Variants in FAM153A observed in about 807,000 individuals in gnomAD.
FAM153A encodes the protein family with sequence similarity 153 member A.
FAM153A carries 12 observed loss-of-function variants against 48.1 expected under a neutral mutation model. That is an observed-to-expected ratio of 0.25 (90% CI 0.16 to 0.40). The LOEUF (loss-of-function observed/expected upper bound fraction) is 0.40, where lower values mean the gene tolerates loss of function less well. Among genes scored for constraint, FAM153A ranks in the 10% least tolerant of loss-of-function variants. FAM153A has a pLI of 1.00. For missense variants in FAM153A, 111 were observed against 345.8 expected, an observed-to-expected ratio of 0.32 and a Z score of 5.38; for synonymous variants, 36 against 118.2, an observed-to-expected ratio of 0.30 and a Z score of 4.51.
chr5:177,738,124 A>C (rs1054913144), intron 10 of FAM153A, among the ~76,000 whole-genome samples: 1 of 151,252 alleles, frequency 6.6e-6, no homozygotes, highest in African/African-American at 2.5e-5. Context: ...TCTCCAACCC[A>C]GCTGTATAGA....
At chr5:177,710,819 C>A (rs1297506408), downstream of FAM153A, among the ~76,000 whole-genome samples, 1 of 146,004 alleles carries the variant, frequency 6.8e-6, no homozygotes, top group Admixed American at 6.9e-5. Context: ...CCACACCTGG[C>A]TAACTTTTTG....
In FAM153A at chr5:177,730,240, G is replaced by A. The variant is rs1174003873; in HGVS notation, c.863-685C>T. On this transcript the variant is annotated intron_variant, in intron 16 of 20. Coordinates refer to ENST00000614127, the Ensembl canonical transcript of FAM153A. Reference sequence around the variant, plus strand: ...GTCATGGGGAGCAGCGAGGGGGTGCGGGGGGCGGGCACTGACCCTCTCCAA... The same window carrying A: ...GTCATGGGGAGCAGCGAGGGGGTGCAGGGGGCGGGCACTGACCCTCTCCAA... Among the ~76,000 whole-genome samples the A allele has an allele frequency of 6.8e-5, 8 of 117,350 alleles. 2 individuals carry two copies. The highest frequency in any genetic ancestry group is 2.2e-4 in the African/African-American group (8 of 36,136). 77.0% of individuals were successfully genotyped at this position (117,350 alleles called of 152,430 possible).
chr5:177,758,698 C>T (rs13163172), intron 1 of FAM153A, among the ~76,000 whole-genome samples: 45 of 149,132 alleles, frequency 3.0e-4, no homozygotes, highest in African/African-American at 1.0e-3. Flanking sequence ...TGATCTTTGA[C>T]AAACCTGACA....
downstream of FAM153A, among the ~76,000 whole-genome samples, chr5:177,703,628 A>C (rs3104689): frequency 2.6e-4 from 34 of 131,848 alleles, no homozygotes; most frequent in African/African-American, 3.9e-4. Context: ...TGATTGGACC[A>C]TGGAGGCGGT....
At chr5:177,728,491 A>G (rs1763054574) in intron 18 of FAM153A, among the ~76,000 whole-genome samples, 1 of 146,150 alleles carries the variant, frequency 6.8e-6, no homozygotes, top group South Asian at 2.1e-4. Context: ...CTTACATGAC[A>G]CTGCTGCTTC....
chr5:177,768,333 A>G (rs1254464678), intron 1 of FAM153A, among the ~76,000 whole-genome samples: 4 of 152,078 alleles, frequency 2.6e-5, no homozygotes, highest in Admixed American at 6.5e-5. Context: ...TGAAAGCTTC[A>G]TTATATTGGC....
intron 1 of FAM153A, among the ~76,000 whole-genome samples, chr5:177,768,193 G>C (rs1158244063): frequency 7.4e-6 from 1 of 135,880 alleles, no homozygotes; most frequent in Non-Finnish European, 1.5e-5. Context: ...CAGATGAAGA[G>C]ATGCATAGTG....
chr5:177,729,285 C>T (rs1169237257), intron 17 of FAM153A, among the ~76,000 whole-genome samples, 200 bp downstream of exon 19: 5 of 120,438 alleles, frequency 4.2e-5, no homozygotes, highest in African/African-American at 1.4e-4. Flanking sequence ...AAGGAAAATG[C>T]CTGTTGACAC....
At chr5:177,716,997 G>GTGTGTA (rs1208702665) in intron 24 of FAM153A, among the ~76,000 whole-genome samples, 2 of 150,658 alleles carry the variant, frequency 1.3e-5, no homozygotes, top group East Asian at 3.9e-4. Context: ...GTGTGTGTGT[G>GTGTGTA]TGTAGAGTCT....
At chr5:177,699,337 G>A in the FAM153A span, among the ~76,000 whole-genome samples, 1 of 151,278 alleles carries the variant, frequency 6.6e-6, no homozygotes, top group East Asian at 1.9e-4. Context: ...AAATATTAAT[G>A]TGCAAAGTGG....
intron 26 of FAM153A, among the ~76,000 whole-genome samples, chr5:177,713,537 G>A (rs1229693365): frequency 1.3e-5 from 2 of 151,580 alleles, no homozygotes; most frequent in Non-Finnish European, 2.9e-5. Context: ...GATTACAGGC[G>A]TGAGCAACCG....
At chr5:177,725,366 GTGA>G (rs1166658769) in intron 18 of FAM153A, among the ~76,000 whole-genome samples, 3 of 142,186 alleles carry the variant, frequency 2.1e-5, no homozygotes, top group Non-Finnish European at 4.5e-5. Flanking sequence ...CCTGCGGGAG[GTGA>G]TGATGGCCGA....
chr5:177,711,633 A>AATTATGCCAAAAGAAGT (rs1758492095), exon 27 of FAM153A: 1 of 151,962 alleles, frequency 6.6e-6, no homozygotes, highest in African/African-American at 2.4e-5. Flanking sequence ...TTACAATTTA[A>AATTATGCCAAAAGAAGT]ATTATGCCAA....
the FAM153A span, among the ~76,000 whole-genome samples, chr5:177,694,853 C>T: frequency 6.7e-6 from 1 of 149,886 alleles, no homozygotes; most frequent in African/African-American, 2.5e-5. Flanking sequence ...CAGCCTGATT[C>T]CTTTTCCCTA....
the FAM153A span, among the ~76,000 whole-genome samples, chr5:177,700,602 G>A: frequency 6.6e-6 from 1 of 151,768 alleles, no homozygotes; most frequent in Non-Finnish European, 1.5e-5. Flanking sequence ...AGGAGGTCAA[G>A]ACCAGCCTGG....
At chr5:177,706,738 T>C (rs1487028356), downstream of FAM153A, 1 of 151,882 alleles carries the variant, frequency 6.6e-6, no homozygotes, top group African/African-American at 2.4e-5. Context: ...TTGGGATTCC[T>C]CAGAGTACAG....
upstream of FAM153A, chr5:177,783,056 A>G (rs2127727156): frequency 1.1e-5 from 1 of 93,606 alleles, no homozygotes; most frequent in East Asian, 3.8e-4. Flanking sequence ...CGGCCACCGG[A>G]GTGGCTTCCC....
In FAM153A at chr5:177,737,124, A is replaced by C. The variant is rs1764794052; in HGVS notation, c.563-12T>G. 1 of 1,538,784 alleles carries C rather than the reference A, an allele frequency of 6.5e-7. No individual in the cohort carries two copies. Among genetic ancestry groups the C allele is most frequent in the African/African-American group, 1.5e-5 (1 of 67,512 alleles). On this transcript the variant is annotated splice_polypyrimidine_tract_variant and intron_variant, in intron 10 of 20. Transcript: ENST00000614127. ...GTCTTCCAGGTCACCTAGGAAACAG[A>C]GTCGCTATAAGCACATGAGCTCCAC...
upstream of FAM153A, chr5:177,753,208 G>A (rs982803835): frequency 2.5e-6 from 4 of 1,610,042 alleles, no homozygotes; most frequent in African/African-American, 5.4e-5. Flanking sequence ...ACATCCCATT[G>A]TGAGTCCTCT....
Sources: gnomAD v4.1 joint callset for allele counts (sites outside exome capture counted in the v4.1 genomes callset) on GRCh38, gnomAD v4.1.1 for gene constraint, MANE v1.5 for transcripts, NCBI Gene and HGNC (gene_info 2026-07-23, HGNC 2026-07-21) for gene names.